The following SUGCT variants were observed in gnomAD, a reference collection of about 807,000 sequenced individuals.
The protein encoded by SUGCT is succinyl-CoA:glutarate CoA-transferase.
In SUGCT, 41 loss-of-function variants were observed where a neutral mutation model predicts 55.0. The observed-to-expected ratio is 0.74, with a 90% CI of 0.58 to 0.97. SUGCT has a LOEUF of 0.97. Ranked by LOEUF, SUGCT falls within the 50% of genes least tolerant of loss-of-function variation. SUGCT has a pLI of 0.00. For synonymous variants in SUGCT, 187 were observed against 200.4 expected (o/e 0.93, Z 0.56); for missense variants, 568 against 547.8 (o/e 1.04, Z -0.37).
intron 12 of SUGCT, among the ~76,000 whole-genome samples, chr7:40,526,616 G>A (rs930231777): frequency 6.6e-6 from 1 of 152,100 alleles, no homozygotes; most frequent in African/African-American, 2.4e-5. Flanking sequence ...CCAGTGGTTT[G>A]GGAGGGATTG....
At chr7:40,331,148 C>G (rs1796290569) in intron 9 of SUGCT, among the ~76,000 whole-genome samples, 1 of 152,080 alleles carries the variant, frequency 6.6e-6, no homozygotes, top group Non-Finnish European at 1.5e-5. Flanking sequence ...GCGTCCTGGG[C>G]CACATGCGGC....
chr7:40,374,240 T>C (rs1176908747), intron 9 of SUGCT, among the ~76,000 whole-genome samples: 1 of 152,170 alleles, frequency 6.6e-6, no homozygotes, highest in Non-Finnish European at 1.5e-5. Context: ...AATCCACAAT[T>C]ACAGTTTGAG....
intron 9 of SUGCT, among the ~76,000 whole-genome samples, chr7:40,335,729 T>C (rs58004659): frequency 0.015 from 2,314 of 152,306 alleles, 49 homozygotes; most frequent in South Asian, 0.059. Context: ...CCTAATTGAA[T>C]ATGCTTTATT....
chr7:40,172,437 A>G (rs939557833), intron 1 of SUGCT, among the ~76,000 whole-genome samples: 3 of 152,164 alleles, frequency 2.0e-5, no homozygotes, highest in African/African-American at 4.8e-5. Context: ...GACACAGCGT[A>G]GCGCTTCCTT....
chr7:40,422,198 G>A (rs969944179), intron 9 of SUGCT, among the ~76,000 whole-genome samples: 1 of 151,608 alleles, frequency 6.6e-6, no homozygotes, highest in African/African-American at 2.4e-5. Context: ...GGGGTGGGGT[G>A]GAATTCTGTT....
chr7:40,251,712 A>C (rs992608106), intron 7 of SUGCT, among the ~76,000 whole-genome samples: 3 of 151,998 alleles, frequency 2.0e-5, no homozygotes, highest in African/African-American at 7.3e-5. Flanking sequence ...TTATTATTTC[A>C]TTGTATTTTC....
chr7:40,192,139 A>G (rs1209027703), intron 5 of SUGCT, among the ~76,000 whole-genome samples: 1 of 151,942 alleles, frequency 6.6e-6, no homozygotes, highest in East Asian at 1.9e-4. Flanking sequence ...AGGATTAGCA[A>G]AAATAACCCC....
At chr7:40,175,205 T>C (rs1045187855) in intron 1 of SUGCT, among the ~76,000 whole-genome samples, 4 of 152,080 alleles carry the variant, frequency 2.6e-5, no homozygotes, top group Non-Finnish European at 5.9e-5. Flanking sequence ...ATGGTATCTT[T>C]CACTGTAGTG....
At chr7:40,611,524 C>T (rs1798768012) in intron 12 of SUGCT, among the ~76,000 whole-genome samples, 1 of 151,920 alleles carries the variant, frequency 6.6e-6, no homozygotes, top group Non-Finnish European at 1.5e-5. Context: ...TATTTTAAAT[C>T]AAATGTGATC....
At chr7:40,793,022 G>T (rs1002112246) in intron 13 of SUGCT, among the ~76,000 whole-genome samples, 1 of 152,066 alleles carries the variant, frequency 6.6e-6, no homozygotes, top group Non-Finnish European at 1.5e-5. Flanking sequence ...TATTTAGGAC[G>T]CATTGTCTTA....
chr7:40,537,227 A>T (rs1191239801), intron 12 of SUGCT, among the ~76,000 whole-genome samples: 2 of 152,102 alleles, frequency 1.3e-5, no homozygotes, highest in Non-Finnish European at 2.9e-5. Flanking sequence ...GAGAAGTAAA[A>T]CTTGCTCTTT....
intron 6 of SUGCT, among the ~76,000 whole-genome samples, chr7:40,219,292 C>T (rs1787888445): frequency 6.6e-6 from 1 of 152,166 alleles, no homozygotes; most frequent in African/African-American, 2.4e-5. Flanking sequence ...CCGCGAGGGT[C>T]CGCAGCTTAA....
chr7:40,292,357 C>A (rs958551611), intron 8 of SUGCT, among the ~76,000 whole-genome samples: 1 of 152,080 alleles, frequency 6.6e-6, no homozygotes, highest in South Asian at 2.1e-4. Context: ...GAAACACTGT[C>A]TTCTTGGTGG....
intron 12 of SUGCT, among the ~76,000 whole-genome samples, chr7:40,711,423 T>C (rs528641085): frequency 6.6e-6 from 1 of 151,836 alleles, no homozygotes; most frequent in Non-Finnish European, 1.5e-5. Flanking sequence ...AGCAGGAGAA[T>C]CACTTGAGGC....
chr7:40,480,184 T>A (rs989351663), intron 11 of SUGCT, among the ~76,000 whole-genome samples: 3 of 152,180 alleles, frequency 2.0e-5, no homozygotes, highest in African/African-American at 7.2e-5. Context: ...CATTGTGAGT[T>A]GATTTTTGTG....
At chr7:40,152,527 T>A (rs1788626861) in intron 1 of SUGCT, 1 of 213,704 alleles carries the variant, frequency 4.7e-6, no homozygotes, top group South Asian at 9.4e-5. Flanking sequence ...TATTTTGTCA[T>A]TTCAGTGAAA....
In SUGCT at chr7:40,860,714, G is replaced by C. The variant is rs182239165; in HGVS notation, c.*235G>C. 1.4e-3 allele frequency: 526 copies of C among 368,888 alleles called. 3 individuals are homozygous for C. Among genetic ancestry groups the C allele is most frequent in the African/African-American group, 0.01 (489 of 48,066 alleles). 22.9% of individuals were successfully genotyped at this position (368,888 alleles called of 1,614,324 possible). A position where few individuals can be genotyped will look rare whatever the true frequency, so the allele number is the denominator to read the frequency against. ...TTTTTTCAGATGATGATTTCATTAT[G>C]GATTTGTGGGATTTTTAAAAATAAA... On this transcript the variant is annotated 3_prime_UTR_variant, in exon 14 of 14. Coordinates refer to ENST00000335693, the MANE Select transcript of SUGCT (RefSeq NM_001193313.2).
chr7:40,943,277 AT>A, the SUGCT span, among the ~76,000 whole-genome samples: 1 of 149,676 alleles, frequency 6.7e-6, no homozygotes, highest in Non-Finnish European at 1.5e-5. Context: ...TTTTATTATT[AT>A]TATTATTATT....
At chr7:40,875,875 T>G in the SUGCT span, among the ~76,000 whole-genome samples, 1 of 152,194 alleles carries the variant, frequency 6.6e-6, no homozygotes, top group Non-Finnish European at 1.5e-5. Flanking sequence ...TGGGAAAGTT[T>G]GCCTCACCTT....
Sources: gnomAD v4.1 joint callset for allele counts (sites outside exome capture counted in the v4.1 genomes callset) on GRCh38, gnomAD v4.1.1 for gene constraint, MANE v1.5 for transcripts, NCBI Gene and HGNC (gene_info 2026-07-23, HGNC 2026-07-21) for gene names.